The following SPDYE2 variants were observed in gnomAD, a reference collection of about 807,000 sequenced individuals.
The protein encoded by SPDYE2 is speedy/RINGO cell cycle regulator family member E2.
For synonymous variants in SPDYE2, 2 were observed against 45.1 expected, an observed-to-expected ratio of 0.04 and a Z score of 3.83; for missense variants, 1 against 121.0, an observed-to-expected ratio of 0.01 and a Z score of 4.65.
At chr7:102,555,610 C>T (rs1444454886) in intron 3 of SPDYE2, among the ~76,000 whole-genome samples, 1 of 93,278 alleles carries the variant, frequency 1.1e-5, no homozygotes, top group African/African-American at 3.6e-5. Flanking sequence ...AAGACTGTTT[C>T]TCAACAACAA....
intron 3 of SPDYE2, among the ~76,000 whole-genome samples, chr7:102,554,991 C>T (rs1217474954): frequency 2.3e-5 from 3 of 132,834 alleles, no homozygotes; most frequent in Admixed American, 1.5e-4. Context: ...GCCTGTAATC[C>T]CATTACTTTG....
intron 3 of SPDYE2, among the ~76,000 whole-genome samples, chr7:102,555,630 CAACAAA>C (rs1800771128): frequency 1.8e-5 from 1 of 56,198 alleles, no homozygotes; most frequent in African/African-American, 6.3e-5. Context: ...ACAACAACAA[CAACAAA>C]AAAAAAAAAA....
chr7:102,555,219 T>C (rs1586812312), intron 3 of SPDYE2, among the ~76,000 whole-genome samples: 1 of 94,812 alleles, frequency 1.1e-5, no homozygotes, highest in Non-Finnish European at 2.0e-5. Context: ...GGTGAGAGAG[T>C]GAGACGCTGT....
intron 3 of SPDYE2, among the ~76,000 whole-genome samples, chr7:102,555,269 G>T (rs1404891048): frequency 1.3e-3 from 173 of 129,230 alleles, no homozygotes; most frequent in African/African-American, 4.8e-3. Context: ...AAGAAGGAAG[G>T]AAGGGCCCAG....
intron 3 of SPDYE2, among the ~76,000 whole-genome samples, chr7:102,555,207 T>TGGGTGAGA (rs1800741682): frequency 8.1e-6 from 1 of 124,014 alleles, no homozygotes. Flanking sequence ...CATTCCATTC[T>TGGGTGAGA]GGGTGAGAGA....
At chr7:102,557,678 A>G (rs1327418537) in intron 5 of SPDYE2, among the ~76,000 whole-genome samples, 3,889 of 39,746 alleles carry the variant, frequency 0.098, 5 homozygotes, top group African/African-American at 0.26. Flanking sequence ...CATGGTCTTG[A>G]GTCTTGGCAC....
At chr7:102,564,468 T>C (rs1260066975), downstream of SPDYE2, 4 of 148,126 alleles carry the variant, frequency 2.7e-5, no homozygotes, top group Admixed American at 1.3e-4. Context: ...CAGTTAAAGC[T>C]GTGAAAGACA....
downstream of SPDYE2, chr7:102,565,071 C>A (rs1402260459): frequency 9.0e-6 from 1 of 110,756 alleles, no homozygotes; most frequent in Non-Finnish European, 2.2e-5. Context: ...CACTAGGCTG[C>A]CCTCGCTTTA....
chr7:102,555,232 C>CAAAAAAAAAAAAA (rs1219322377), intron 3 of SPDYE2, among the ~76,000 whole-genome samples: 5 of 52,236 alleles, frequency 9.6e-5, no homozygotes, highest in African/African-American at 3.0e-4. Flanking sequence ...GACGCTGTCT[C>CAAAAAAAAAAAAA]AAAAAAAAAA....
At chr7:102,554,443 C>CGGA (rs1157894600) in exon 3 of SPDYE2, 1 of 1,593,666 alleles carries the variant, frequency 6.3e-7, no homozygotes, top group Non-Finnish European at 8.5e-7. Flanking sequence ...GAGGAGGAGC[C>CGGA]GGAGAAGGAG....
intron 3 of SPDYE2, among the ~76,000 whole-genome samples, 170 bp downstream of exon 3, chr7:102,554,747 A>G (rs1048636898): frequency 7.5e-5 from 10 of 132,760 alleles, no homozygotes; most frequent in Non-Finnish European, 1.7e-4. Flanking sequence ...ACGATAGAAG[A>G]CTAGGCTAGA....
exon 9 of SPDYE2, chr7:102,562,956 T>C (rs1800926161): frequency 1.4e-5 from 2 of 146,550 alleles, no homozygotes; most frequent in South Asian, 4.2e-4. Flanking sequence ...TGGTTTATTT[T>C]GAAAAACATG....
Position 102,554,889 on chromosome 7 carries a change from G to C in SPDYE2, c.379+312G>C, listed in dbSNP as rs201717522. Among the ~76,000 whole-genome samples, 30 of 118,596 alleles carry C rather than the reference G, an allele frequency of 2.5e-4. 2 individuals carry two copies. Among genetic ancestry groups the C allele is most frequent in the Non-Finnish European group, 5.6e-4 (29 of 51,446 alleles). The allele number at this position is 118,596 out of a possible 152,430, so 77.8% of individuals were successfully genotyped here. On this transcript the variant is annotated intron_variant, in intron 3 of 8. Coordinates refer to ENST00000507918, the Ensembl canonical transcript of SPDYE2. Reference sequence around the variant, plus strand: ...TTGAACTCAGGACTTTGAGGCTGCAGTGAGCTATGACTGCACCACTGCACT... The same window carrying C: ...TTGAACTCAGGACTTTGAGGCTGCACTGAGCTATGACTGCACCACTGCACT...
At chr7:102,565,227 C>CT (rs1418846314), downstream of SPDYE2, 2 of 78,626 alleles carry the variant, frequency 2.5e-5, no homozygotes, top group Admixed American at 1.3e-4. Flanking sequence ...CTTTCTTTCT[C>CT]TTTTTTTTTT....
rs1266756768 is a variant in SPDYE2, at chr7:102,555,235, A to C, written c.379+658A>C. Among the ~76,000 whole-genome samples the C allele has an allele frequency of 4.6e-3, 31 of 6,760 alleles. No individual in the cohort carries two copies. The East Asian group carries it at 0.25, about 55-fold the overall frequency. The allele number at this position is 6,760 out of a possible 152,430, so 4.4% of individuals were successfully genotyped here. A position where few individuals can be genotyped will look rare whatever the true frequency, so the allele number is the denominator to read the frequency against. ...GTGAGAGAGTGAGACGCTGTCTCAAAAAAAAAAAAAAAAAAAAAAAAAAAA... is the reference window on the plus strand; with the variant it reads ...GTGAGAGAGTGAGACGCTGTCTCAACAAAAAAAAAAAAAAAAAAAAAAAAA... On this transcript the variant is annotated intron_variant, in intron 3 of 8. Coordinates refer to ENST00000507918, the Ensembl canonical transcript of SPDYE2.
rs531600789 is a variant in SPDYE2 at position 102,559,910 on chromosome 7, C to T, written c.756-690C>T. On this transcript the variant is annotated intron_variant, in intron 6 of 8. Transcript: ENST00000507918. Reference sequence around the variant, plus strand: ...CCTCCCACCTCAGCTTCATTAGCTCCGACTACAGGGCTGTGCCACCACACC... The same window carrying T: ...CCTCCCACCTCAGCTTCATTAGCTCTGACTACAGGGCTGTGCCACCACACC... Among the ~76,000 whole-genome samples, 25 of 31,822 alleles carry T rather than the reference C, an allele frequency of 7.9e-4. 7 individuals carry two copies. The highest frequency in any genetic ancestry group is 6.1e-3 in the East Asian group (11 of 1,818). The allele number at this position is 31,822 out of a possible 152,430, so 20.9% of individuals were successfully genotyped here.
rs1455922799 is a variant in SPDYE2, at chr7:102,557,350, TTTG to T, written c.669+130_669+132del. ...GCTCCTACAGTCTTTTTTTTTTTTTTTTGTGTGTGTGTGTGTGTGTGTGTGTGT... is the reference window on the plus strand; with the variant it reads ...GCTCCTACAGTCTTTTTTTTTTTTTTTGTGTGTGTGTGTGTGTGTGTGTGT... On this transcript the variant is annotated intron_variant, in intron 5 of 8. Transcript: ENST00000507918. 224 of 696,494 alleles carry T rather than the reference TTTG, an allele frequency of 3.2e-4. 1 individual carries two copies. The highest frequency in any genetic ancestry group is 1.5e-3 in the East Asian group (30 of 19,452). 43.1% of individuals were successfully genotyped at this position (696,494 alleles called of 1,614,324 possible). A position where few individuals can be genotyped will look rare whatever the true frequency, so the allele number is the denominator to read the frequency against.
chr7:102,557,373 G>T, intron 5 of SPDYE2, 151 bp downstream of exon 5: 1 of 1,206,748 alleles, frequency 8.3e-7, no homozygotes, highest in Admixed American at 2.2e-5. Context: ...GTGTGTGTGT[G>T]TGTGTGTGAG....
At chr7:102,555,231 T>TG (rs1800746272) in intron 3 of SPDYE2, among the ~76,000 whole-genome samples, 2 of 31,720 alleles carry the variant, frequency 6.3e-5, no homozygotes, top group African/African-American at 2.0e-4. Context: ...AGACGCTGTC[T>TG]CAAAAAAAAA....
Sources: gnomAD v4.1 joint callset for allele counts (sites outside exome capture counted in the v4.1 genomes callset) on GRCh38, gnomAD v4.1.1 for gene constraint, MANE v1.5 for transcripts, NCBI Gene and HGNC (gene_info 2026-07-23, HGNC 2026-07-21) for gene names.